Variants in NFATC2 observed in about 807,000 individuals in gnomAD.
NFATC2 encodes the protein nuclear factor of activated T-cells, cytoplasmic 2.
A neutral mutation model predicts 87.3 loss-of-function variants in NFATC2; 22 were observed. The ratio of observed to expected loss-of-function variants is 0.25; its 90% CI spans 0.18 to 0.36. The LOEUF is 0.36. NFATC2 is among the 10% of genes least tolerant of loss of function. NFATC2 has a pLI of 1.00. For missense variants in NFATC2, 1,149 were observed against 1,259.1 expected (o/e 0.91, Z 1.32); for synonymous variants, 565 against 542.2 (o/e 1.04, Z -0.58).
intron 1 of NFATC2, among the ~76,000 whole-genome samples, chr20:51,526,935 G>A (rs2076554617): frequency 6.6e-6 from 1 of 152,060 alleles, no homozygotes; most frequent in African/African-American, 2.4e-5. Context: ...GTCTTACTCA[G>A]CTGCCCAGGT....
intron 1 of NFATC2, among the ~76,000 whole-genome samples, chr20:51,561,568 T>TCCCCCCCCCCC (rs113481949): frequency 7.9e-6 from 1 of 126,632 alleles, no homozygotes; most frequent in Admixed American, 7.9e-5. Flanking sequence ...TGTCATTTCT[T>TCCCCCCCCCCC]CCCCCCCCCA....
chr20:51,523,906 C>A lies in NFATC2; in HGVS notation c.335G>T (p.Arg112Leu). 1.2e-6 allele frequency: 2 copies of A among 1,606,434 alleles called. No individual in the cohort carries two copies. The highest frequency in any genetic ancestry group is 2.2e-5 in the East Asian group (1 of 44,806). The change falls in exon 2 of 11, where the codon CGG becomes CTG. Residue 112 changes from arginine (R) to leucine (L), a missense_variant. This residue lies in a region of NFATC2 where 563 missense variants were observed against 585.2 expected (regional missense o/e 0.96). Coordinates refer to ENST00000371564, the MANE Select transcript of NFATC2 (RefSeq NM_012340.5). The surrounding 1 kb of genome is among the most constrained non-coding windows in gnomAD (Gnocchi z 6.9). ...TTCGTGGGACGGAGTGATCTCGATCCGAGGGCTCAGGCCCGAGGCCCCTGC... is the reference window on the plus strand; with the variant it reads ...TTCGTGGGACGGAGTGATCTCGATCAGAGGGCTCAGGCCCGAGGCCCCTGC... ...KPAGASGLSPRIEITPSHELI... is the reference protein window; with the variant it reads ...KPAGASGLSPLIEITPSHELI...
intron 3 of NFATC2, among the ~76,000 whole-genome samples, chr20:51,492,955 A>G (rs2146592942): frequency 6.6e-6 from 1 of 152,312 alleles, no homozygotes; most frequent in African/African-American, 2.4e-5. Context: ...TGGAGTTTGC[A>G]GCTTGGGGCC....
chr20:51,544,057 G>C (rs1452736072), upstream of NFATC2, among the ~76,000 whole-genome samples: 1 of 130,184 alleles, frequency 7.7e-6, no homozygotes, highest in Non-Finnish European at 1.5e-5. Context: ...GCGCGATCTT[G>C]GCTCATTGCA....
At chr20:51,482,769 A>G (rs919942915) in intron 3 of NFATC2, among the ~76,000 whole-genome samples, 1 of 152,214 alleles carries the variant, frequency 6.6e-6, no homozygotes, top group African/African-American at 2.4e-5. Context: ...TTATCCCCCT[A>G]ACTGAAGTTA....
chr20:51,388,282 A>G lies in NFATC2; in HGVS notation c.*3214T>C, dbSNP rs1176297920. 1 of 152,184 alleles carries G rather than the reference A, an allele frequency of 6.6e-6. No homozygotes were observed. The highest frequency in any genetic ancestry group is 1.5e-5 in the Non-Finnish European group (1 of 68,042). 9.4% of individuals were successfully genotyped at this position (152,184 alleles called of 1,614,324 possible). A position where few individuals can be genotyped will look rare whatever the true frequency, so the allele number is the denominator to read the frequency against. ...ATTAGTTATTTTGGGGGGAGGATCTAGACACTTGATGATTCTCAGTGACCA... is the reference window on the plus strand; with the variant it reads ...ATTAGTTATTTTGGGGGGAGGATCTGGACACTTGATGATTCTCAGTGACCA... On this transcript the variant is annotated 3_prime_UTR_variant, in exon 11 of 11. Coordinates refer to ENST00000371564, the MANE Select transcript of NFATC2 (RefSeq NM_012340.5).
chr20:51,497,185 C>T (rs569270647), intron 3 of NFATC2, among the ~76,000 whole-genome samples: 1 of 152,340 alleles, frequency 6.6e-6, no homozygotes, highest in African/African-American at 2.4e-5. Context: ...CCAAACCAGG[C>T]ACCCTCCGAG....
At position 51,440,008 on chromosome 20, in the gene NFATC2, G is replaced by A. The variant is rs539723967; in HGVS notation, c.1850-4247C>T. ...TCCCAGCACTTTGGGAGGCCAAGGC[G>A]GGCGGATCACCTGAGGTCAAGAGTT... On this transcript the variant is annotated intron_variant, in intron 6 of 10. Coordinates refer to ENST00000371564, the MANE Select transcript of NFATC2 (RefSeq NM_012340.5). Among the ~76,000 whole-genome samples, 11 of 152,272 alleles carry A rather than the reference G, an allele frequency of 7.2e-5. 1 individual carries two copies. Among genetic ancestry groups the A allele is most frequent in the South Asian group, 6.2e-4 (3 of 4,824 alleles).
At chr20:51,412,712 C>G (rs554576218) in intron 9 of NFATC2, among the ~76,000 whole-genome samples, 83 of 152,168 alleles carry the variant, frequency 5.5e-4, no homozygotes, top group African/African-American at 1.8e-3. Flanking sequence ...ATACTCTCTG[C>G]CAGCTGGGTC....
chr20:51,562,708 T>C, upstream of NFATC2: 2 of 1,384,750 alleles, frequency 1.4e-6, no homozygotes, highest in Non-Finnish European at 2.0e-6. This position sits in a 1 kb window ranked among gnomAD's most constrained non-coding sequence, Gnocchi z 5.8. Context: ...GGACGCCGTC[T>C]TCTCTACCGC....
At chr20:51,555,551 G>A (rs1056495600) in intron 1 of NFATC2, among the ~76,000 whole-genome samples, 3 of 151,470 alleles carry the variant, frequency 2.0e-5, no homozygotes, top group Non-Finnish European at 4.4e-5. Context: ...TGAGATTGCC[G>A]CCATTGCACT....
rs769968405 is a variant in NFATC2 at position 51,475,579 on chromosome 20, C to G, written c.1414G>C (p.Ala472Pro). 6.2e-7 allele frequency: 1 copy of G among 1,614,118 alleles called. No homozygotes were observed. The highest frequency in any genetic ancestry group is 8.5e-7 in the Non-Finnish European group (1 of 1,180,020). Reference protein sequence around the residue: ...TADERILKPHAFYQVHRITGK... With the variant: ...TADERILKPHPFYQVHRITGK... ...GTGATTCGGTGCACCTGGTAGAAGG[C>G]GTGCGGCTTAAGGATCCGCTCATCA... The change falls in exon 4 of 11, where the codon GCC (alanine) becomes CCC (proline). Residue 472 changes from alanine to proline, a missense_variant. By Grantham distance (27) the Ala-to-Pro change is conservative. Around this residue, in one of 3 missense-constraint regions of NFATC2, gnomAD observed 581 missense variants for 649.7 expected, o/e 0.89. Transcript: ENST00000371564.
intron 9 of NFATC2, among the ~76,000 whole-genome samples, chr20:51,404,889 A>G (rs1988408752): frequency 6.6e-6 from 1 of 152,258 alleles, no homozygotes; most frequent in African/African-American, 2.4e-5. Context: ...CCCAGACAGC[A>G]GACTCACAAG....
At chr20:51,528,787 T>G (rs1007208496) in intron 1 of NFATC2, among the ~76,000 whole-genome samples, 1 of 152,070 alleles carries the variant, frequency 6.6e-6, no homozygotes, top group East Asian at 1.9e-4. Context: ...AAATGAAGAG[T>G]GCAGTCCTGC....
Position 51,432,454 on chromosome 20 carries a change from C to T in NFATC2, c.2335G>A (p.Asp779Asn), listed in dbSNP as rs767999389. 2 of 1,567,038 alleles carry T rather than the reference C, an allele frequency of 1.3e-6. No homozygotes were observed. Among genetic ancestry groups the T allele is most frequent in the African/African-American group, 2.7e-5 (2 of 73,918 alleles). Residue 779 changes from aspartate (D) to asparagine (N), a missense_variant, in exon 9 of 11, where the codon GAC becomes AAC. Physicochemically the swap from Asp to Asn is conservative, Grantham distance 23. Transcript: ENST00000371564. The surrounding 1 kb of genome is among the most constrained non-coding windows in gnomAD (Gnocchi z 4.6). ...TGCACCAGCACAGAGCGGTGAGCGT[C>T]CGCAAGGGACAGCGGGGCGGCCATG... is the stretch of plus-strand genomic sequence containing the variant. ...ALMAAPLSLADAHRSVLVHAG... is the reference protein window; with the variant it reads ...ALMAAPLSLANAHRSVLVHAG...
rs150025746 is a variant in NFATC2, at chr20:51,517,726, G to A, written c.1161-771C>T. The stretch of plus-strand genomic sequence containing the variant: ...GAGGCCAGGAGTTCGAGACCAGCCT[G>A]GCCAACATGGCGAAACCCTGTCTCT... On this transcript the variant is annotated intron_variant, in intron 2 of 10. Coordinates refer to ENST00000371564, the MANE Select transcript of NFATC2 (RefSeq NM_012340.5). Among the ~76,000 whole-genome samples the A allele has an allele frequency of 1.7e-3, 258 of 152,184 alleles. 1 individual carries two copies. The highest frequency in any genetic ancestry group is 6.0e-3 in the African/African-American group (251 of 41,550).
intron 5 of NFATC2, among the ~76,000 whole-genome samples, chr20:51,470,690 C>A: frequency 6.6e-6 from 1 of 152,188 alleles, no homozygotes; most frequent in East Asian, 1.9e-4. Context: ...TCATTAGTAA[C>A]AATGTATTTT....
intron 1 of NFATC2, among the ~76,000 whole-genome samples, chr20:51,555,408 A>G (rs1422839910): frequency 6.6e-6 from 1 of 152,082 alleles, no homozygotes; most frequent in African/African-American, 2.4e-5. Context: ...CCTGGCTAAC[A>G]CAGTGAAACC....
intron 9 of NFATC2, among the ~76,000 whole-genome samples, chr20:51,407,882 C>T (rs1272028730): frequency 6.6e-6 from 1 of 152,224 alleles, no homozygotes; most frequent in Non-Finnish European, 1.5e-5. Flanking sequence ...ATTTCATATG[C>T]CAACTGGGAC....
Sources: allele counts gnomAD v4.1 joint callset (sites outside exome capture counted in the v4.1 genomes callset), GRCh38; gene constraint gnomAD v4.1.1; regional missense constraint gnomAD v4.1.1; non-coding constraint Gnocchi (gnomAD v3.1); transcripts MANE v1.5; gene names NCBI Gene and HGNC (gene_info 2026-07-23, HGNC 2026-07-21).